The following CYP11B2 variants were observed in gnomAD, a reference collection of about 807,000 sequenced individuals.
The protein encoded by CYP11B2 is cytochrome P450 family 11 subfamily B member 2.
A neutral mutation model predicts 49.3 loss-of-function variants in CYP11B2; 38 were observed. The ratio of observed to expected loss-of-function variants is 0.77; its 90% CI spans 0.59 to 1.01. The LOEUF is 1.01. Among genes scored for constraint, CYP11B2 ranks in the 50% least tolerant of loss-of-function variants. The pLI is 0.00. For missense variants in CYP11B2, 669 were observed against 655.5 expected (o/e 1.02, Z -0.23); for synonymous variants, 290 against 269.3 (o/e 1.08, Z -0.75).
chr8:142,913,740 C>T (rs1817583949), intron 5 of CYP11B2, among the ~76,000 whole-genome samples: 1 of 152,198 alleles, frequency 6.6e-6, no homozygotes, highest in African/African-American at 2.4e-5. Context: ...CAGCATCATC[C>T]AGGGAGTTCT....
At chr8:142,917,253 T>G in intron 1 of CYP11B2, 39 bp from the exon 2 acceptor site, 1 of 1,606,560 alleles carries the variant, frequency 6.2e-7, no homozygotes, top group Non-Finnish European at 8.5e-7. Flanking sequence ...GACGGGGTCA[T>G]GTCCCTCGTG....
At chr8:142,917,036 T>G (rs1360071748) in intron 2 of CYP11B2, 23 bp downstream of exon 2, 1 of 1,613,714 alleles carries the variant, frequency 6.2e-7, no homozygotes, top group Admixed American at 1.7e-5. Flanking sequence ...CTCCCAGCTC[T>G]CAGCTCCCAA....
Position 142,914,338 on chromosome 8 carries a change from G to C in CYP11B2, c.880C>G (p.Leu294Val). The C allele has an allele frequency of 6.2e-7, 1 of 1,613,904 alleles. No homozygotes were observed. Among genetic ancestry groups the C allele is most frequent in the Non-Finnish European group, 8.5e-7 (1 of 1,179,774 alleles). ...TCTAGTGACAGTTCCGCCTTCAACA[G>C]GAGCTCCGCCACGATGCCTGTGTAG... Reference protein sequence around the residue: ...QHYTGIVAELLLKAELSLEAI... With the variant: ...QHYTGIVAELVLKAELSLEAI... The change falls in exon 5 of 9, where the codon CTG becomes GTG. Residue 294 changes from leucine (L) to valine (V), a missense_variant. Physicochemically the swap from Leu to Val is conservative, Grantham distance 32 (BLOSUM62 1). Coordinates refer to ENST00000323110, the MANE Select transcript of CYP11B2 (RefSeq NM_000498.3).
chr8:142,917,509 T>C (rs561546169), intron 1 of CYP11B2, 93 bp downstream of exon 1: 13 of 1,613,356 alleles, frequency 8.1e-6, no homozygotes, highest in Middle Eastern at 3.4e-4. Context: ...TGCCGGGACC[T>C]GCTGGGAATG....
Position 142,911,330 on chromosome 8 carries a change from G to A in CYP11B2, c.*650C>T, listed in dbSNP as rs1817530530. On this transcript the variant is annotated 3_prime_UTR_variant, in exon 9 of 9. Coordinates refer to ENST00000323110, the MANE Select transcript of CYP11B2 (RefSeq NM_000498.3). Reference sequence around the variant, plus strand: ...CCATGAAAGACGAGGCCTGGGGCATGAGGCTGACATGATCAGCTGGGGAAC... The same window carrying A: ...CCATGAAAGACGAGGCCTGGGGCATAAGGCTGACATGATCAGCTGGGGAAC... The A allele has an allele frequency of 6.5e-6, 1 of 153,248 alleles. No individual in the cohort carries two copies. Among genetic ancestry groups the A allele is most frequent in the Non-Finnish European group, 1.5e-5 (1 of 68,808 alleles). The allele number at this position is 153,248 out of a possible 1,614,324, so 9.5% of individuals were successfully genotyped here. A position where few individuals can be genotyped will look rare whatever the true frequency, so the allele number is the denominator to read the frequency against.
rs150049455 is a variant in CYP11B2 at position 142,912,216 on chromosome 8, C to A, written c.1399-123G>T. On this transcript the variant is annotated intron_variant, in intron 8 of 8. Transcript: ENST00000323110. ...GGGGAGCAGCAGCCTGGGCCCCAAC[C>A]TATCCCACTTCTGACCAGCCCCACC... The A allele has an allele frequency of 2.6e-5, 40 of 1,523,304 alleles. No homozygotes were observed. The East Asian group carries it at 9.1e-4, about 35-fold the overall frequency. 94.4% of individuals were successfully genotyped at this position (1,523,304 alleles called of 1,614,324 possible). A position where few individuals can be genotyped will look rare whatever the true frequency, so the allele number is the denominator to read the frequency against.
chr8:142,912,159 C>T, intron 8 of CYP11B2, 66 bp from the exon 9 acceptor site: 1 of 1,608,706 alleles, frequency 6.2e-7, no homozygotes, highest in Admixed American at 1.7e-5. Flanking sequence ...CAGCTTCCTC[C>T]CATCGTCCCA....
chr8:142,913,028 G>T (rs1401348181), intron 6 of CYP11B2, 143 bp from the exon 7 acceptor site: 1 of 923,428 alleles, frequency 1.1e-6, no homozygotes, highest in East Asian at 2.7e-5. Context: ...TGCACCTGCT[G>T]AGCCCAGCCA....
At chr8:142,916,583 G>T (rs182128784) in intron 2 of CYP11B2, 2 of 395,476 alleles carry the variant, frequency 5.1e-6, no homozygotes, top group Admixed American at 5.4e-5. Context: ...CTCCTGCCCC[G>T]GACTGTCCCC....
chr8:142,912,541 G>A lies in CYP11B2; in HGVS notation c.1387C>T (p.Leu463=), dbSNP rs866840885. Residue 463 remains leucine, a synonymous_variant, in exon 8 of 9, where the codon CTG becomes TTG. Transcript: ENST00000323110. ...CCAGGCCTGCTTACGTGGTGCAGCA[G>A]CAGCAGCATCTCTGCCTCTGCCAGG... The part of the protein sequence containing the change: ...RRLAEAEMLL[L]LHHVLKHFLV... 6.2e-7 allele frequency: 1 copy of A among 1,613,394 alleles called. No homozygotes were observed. Among genetic ancestry groups the A allele is most frequent in the Middle Eastern group, 1.7e-4 (1 of 5,792 alleles).
intron 1 of CYP11B2, 120 bp downstream of exon 1, chr8:142,917,482 C>A: frequency 6.2e-7 from 1 of 1,612,946 alleles, no homozygotes; most frequent in Non-Finnish European, 8.5e-7. Context: ...CTTCCCCATC[C>A]TCCAAAGGAT....
chr8:142,915,893 C>T (rs13257680), intron 2 of CYP11B2, among the ~76,000 whole-genome samples: 46,813 of 152,132 alleles, frequency 0.31, 8,833 homozygotes, highest in Non-Finnish European at 0.43. Flanking sequence ...TATTTATGTC[C>T]AGCTGGCTGC....
chr8:142,917,089 T>C lies in CYP11B2; in HGVS notation c.365A>G (p.His122Arg), dbSNP rs1817660495. 1 of 1,614,206 alleles carries C rather than the reference T, an allele frequency of 6.2e-7. No homozygotes were observed. The highest frequency in any genetic ancestry group is 8.5e-7 in the Non-Finnish European group (1 of 1,180,012). ...GAACACGCCACATTTGTGCCCACGA[T>C]GTTGTCTGTAGGCCACCCAGGGCTC... is the stretch of plus-strand genomic sequence containing the variant. ...ILEPWVAYRQHRGHKCGVFLL... is the reference protein window; with the variant it reads ...ILEPWVAYRQRRGHKCGVFLL... Residue 122 changes from histidine (H) to arginine (R), a missense_variant, in exon 2 of 9, where the codon CAT becomes CGT. Physicochemically the swap from His to Arg is conservative, Grantham distance 29 (BLOSUM62 0). Transcript: ENST00000323110.
chr8:142,914,278 C>A lies in CYP11B2; in HGVS notation c.940G>T (p.Gly314Trp). 6.2e-7 allele frequency: 1 copy of A among 1,614,190 alleles called. No homozygotes were observed. The highest frequency in any genetic ancestry group is 8.5e-7 in the Non-Finnish European group (1 of 1,180,040). ...GCTGGCCTGACCGTGTCCACGCTCC[C>A]TGCAGTGAGTTCCATAGAGTTGGCC... ...IKANSMELTA[G>W]SVDTTAFPLL... Residue 314 changes from glycine to tryptophan, a missense_variant, in exon 5 of 9, where the codon GGG becomes TGG. Coordinates refer to ENST00000323110, the MANE Select transcript of CYP11B2 (RefSeq NM_000498.3).
At chr8:142,913,891 G>A (rs898352140) in intron 5 of CYP11B2, 28 of 492,596 alleles carry the variant, frequency 5.7e-5, no homozygotes, top group Middle Eastern at 3.0e-4. Flanking sequence ...CAAGGTGACC[G>A]GGCACACTGG....
At position 142,911,618 on chromosome 8, in the gene CYP11B2, G is replaced by T; in HGVS notation, c.*362C>A. On this transcript the variant is annotated 3_prime_UTR_variant, in exon 9 of 9. Coordinates refer to ENST00000323110, the MANE Select transcript of CYP11B2 (RefSeq NM_000498.3). ...GAGGGACAGGGACATGTGAGACTAG[G>T]CAGGAAGGCAAGGGACAAAATCACA... is the stretch of plus-strand genomic sequence containing the variant. The T allele has an allele frequency of 3.0e-6, 1 of 329,404 alleles. No homozygotes were observed. The highest frequency in any genetic ancestry group is 5.9e-6 in the Non-Finnish European group (1 of 170,686). The allele number at this position is 329,404 out of a possible 1,614,324, so 20.4% of individuals were successfully genotyped here.
At position 142,912,632 on chromosome 8, in the gene CYP11B2, C is replaced by T. The variant is rs745983101; in HGVS notation, c.1296G>A (p.Arg432=). 1.2e-6 allele frequency: 2 copies of T among 1,614,096 alleles called. No homozygotes were observed. The highest frequency in any genetic ancestry group is 1.7e-6 in the Non-Finnish European group (2 of 1,180,042). The change falls in exon 8 of 9, where the codon AGG becomes AGA. Residue 432 remains arginine (R), a synonymous_variant. Coordinates refer to ENST00000323110, the MANE Select transcript of CYP11B2 (RefSeq NM_000498.3). ...RYNPQRWLDI[R]GSGRNFHHVP... is the part of the protein sequence containing the mutation. ...CGTGGTGGAAGTTCCTGCCGGAGCCCCTGATGTCTAGCCAGCGCTGGGGAT... is the reference window on the plus strand; with the variant it reads ...CGTGGTGGAAGTTCCTGCCGGAGCCTCTGATGTCTAGCCAGCGCTGGGGAT...
At position 142,917,663 on chromosome 8, in the gene CYP11B2, C is replaced by A. The variant is rs1817671838; in HGVS notation, c.178G>T (p.Gly60Cys). ...LRLLQIWREQ[G>C]YEHLHLEMHQ... ...ATCTCCAGGTGCAGGTGCTCATAACCCTGCTCCCTCCAGATCTGCAGCAGC... is the reference window on the plus strand; with the variant it reads ...ATCTCCAGGTGCAGGTGCTCATAACACTGCTCCCTCCAGATCTGCAGCAGC... The change falls in exon 1 of 9, where the codon GGT becomes TGT. Residue 60 changes from glycine to cysteine, a missense_variant. Transcript: ENST00000323110. The A allele has an allele frequency of 6.2e-7, 1 of 1,614,136 alleles. No homozygotes were observed. The highest frequency in any genetic ancestry group is 1.3e-5 in the African/African-American group (1 of 74,950).
Position 142,917,202 on chromosome 8 carries a change from T to TC in CYP11B2, c.251dup (p.Gly85ArgfsTer52), listed in dbSNP as rs761855534. On this transcript the variant is annotated frameshift_variant, in exon 2 of 9. Coordinates refer to ENST00000323110, the MANE Select transcript of CYP11B2 (RefSeq NM_000498.3). LOFTEE classifies it high-confidence loss of function. ...GCATCACACACACCATGCGTGGTCCTCCCAAGTTGTACCTGTGGGGCCAAG... is the reference window on the plus strand; with the variant it reads ...GCATCACACACACCATGCGTGGTCCTCCCCAAGTTGTACCTGTGGGGCCAAG... 4 of 1,613,920 alleles carry TC rather than the reference T, an allele frequency of 2.5e-6. No homozygotes were observed. The highest frequency in any genetic ancestry group is 3.4e-6 in the Non-Finnish European group (4 of 1,180,022).
Sources: allele counts gnomAD v4.1 joint callset (sites outside exome capture counted in the v4.1 genomes callset), GRCh38; gene constraint gnomAD v4.1.1; transcripts MANE v1.5; gene names NCBI Gene and HGNC (gene_info 2026-07-23, HGNC 2026-07-21).